The following OCA2 variants were observed in gnomAD, a reference collection of about 807,000 sequenced individuals.
OCA2 encodes OCA2 melanosomal transmembrane protein.
Under a neutral mutation model 100.2 loss-of-function variants are expected in OCA2, and 77 were observed. The ratio of observed to expected loss-of-function variants is 0.77; its 90% CI spans 0.64 to 0.93. OCA2 has a LOEUF of 0.93. OCA2 is among the 40% of genes least tolerant of loss of function. The pLI is 0.00. For synonymous variants in OCA2, 432 were observed against 439.2 expected (o/e 0.98, Z 0.21); for missense variants, 1,062 against 1,089.1 (o/e 0.98, Z 0.35).
chr15:27,913,478 G>T (rs2038478342), intron 19 of OCA2, among the ~76,000 whole-genome samples: 1 of 151,886 alleles, frequency 6.6e-6, no homozygotes, highest in Non-Finnish European at 1.5e-5. Flanking sequence ...TGTCTTGCTT[G>T]CTCTCATTCA....
intron 21 of OCA2, among the ~76,000 whole-genome samples, chr15:27,853,740 G>A (rs2035850305): frequency 1.3e-5 from 2 of 152,092 alleles, no homozygotes; most frequent in Non-Finnish European, 2.9e-5. Context: ...AGAGCCCACA[G>A]GGTGTGAAGG....
In OCA2 at chr15:28,071,931, A is replaced by C. The variant is rs556848865; in HGVS notation, c.227+9717T>G. Reference sequence around the variant, plus strand: ...GACAAGTGGGACCTAATTAAACTCAAGAGCTTCTGCACAGCAAAATGAACT... The same window carrying C: ...GACAAGTGGGACCTAATTAAACTCACGAGCTTCTGCACAGCAAAATGAACT... On this transcript the variant is annotated intron_variant, in intron 2 of 23. Transcript: ENST00000354638. 5.3e-5 allele frequency among the ~76,000 whole-genome samples: 8 copies of C among 152,360 alleles called. No homozygotes were observed. The East Asian group carries it at 1.5e-3, about 29-fold the overall frequency.
chr15:27,957,588 C>A lies in OCA2; in HGVS notation c.1784G>T (p.Arg595Ile). Residue 595 changes from arginine to isoleucine, a missense_variant and splice_region_variant, in exon 16 of 24, where the codon AGA becomes ATA. Coordinates refer to ENST00000354638, the MANE Select transcript of OCA2 (RefSeq NM_000275.3). The surrounding 1 kb of genome is among the most constrained non-coding windows in gnomAD (Gnocchi z 4.3). Reference sequence around the variant, plus strand: ...GTCTGAGCAGGACCCCGCCCGGTACCTGTGGAAGGTGTGCAGCCTCCGGGC... The same window carrying A: ...GTCTGAGCAGGACCCCGCCCGGTACATGTGGAAGGTGTGCAGCCTCCGGGC... The part of the protein sequence containing the change: ...LLARRLHTFH[R>I]QISQEDKNWE... 1 of 1,612,474 alleles carries A rather than the reference C, an allele frequency of 6.2e-7. No individual in the cohort carries two copies. Among genetic ancestry groups the A allele is most frequent in the East Asian group, 2.2e-5 (1 of 44,876 alleles).
At chr15:27,903,875 T>C (rs1420128041) in intron 19 of OCA2, among the ~76,000 whole-genome samples, 1 of 152,246 alleles carries the variant, frequency 6.6e-6, no homozygotes, top group Non-Finnish European at 1.5e-5. Flanking sequence ...TGTGATGGTA[T>C]TGTATAGTAT....
intron 15 of OCA2, among the ~76,000 whole-genome samples, chr15:27,958,517 T>C (rs1456238681): frequency 6.6e-6 from 1 of 152,164 alleles, no homozygotes; most frequent in Admixed American, 6.5e-5. Flanking sequence ...GAGCTGTCTC[T>C]GACACAGGCG....
At chr15:28,001,865 A>T (rs1042881965) in intron 9 of OCA2, among the ~76,000 whole-genome samples, 12 of 152,214 alleles carry the variant, frequency 7.9e-5, no homozygotes, top group African/African-American at 2.9e-4. Context: ...CAGAGGAGCC[A>T]CAGAGGCACC....
In OCA2 at chr15:27,824,578, T is replaced by TTCTCTCTCTCTCTCTCTCTCTCTC. The variant is rs368293640; in HGVS notation, c.2432+20357_2432+20380dup. Among the ~76,000 whole-genome samples the TTCTCTCTCTCTCTCTCTCTCTCTC allele has an allele frequency of 9.1e-3, 488 of 53,464 alleles. 43 individuals are homozygous for TTCTCTCTCTCTCTCTCTCTCTCTC. Among genetic ancestry groups the TTCTCTCTCTCTCTCTCTCTCTCTC allele is most frequent in the Middle Eastern group, 0.016 (1 of 64 alleles). 35.1% of individuals were successfully genotyped at this position (53,464 alleles called of 152,430 possible). A position where few individuals can be genotyped will look rare whatever the true frequency, so the allele number is the denominator to read the frequency against. On this transcript the variant is annotated intron_variant, in intron 23 of 23. Coordinates refer to ENST00000354638, the MANE Select transcript of OCA2 (RefSeq NM_000275.3). ...CTAATTTCTTTTGAATAAATACAAT[T>TTCTCTCTCTCTCTCTCTCTCTCTC]TCTCTCTCTCTCTCTCTCTCTCTCT...
Position 28,014,816 on chromosome 15 carries a change from G to A in OCA2, c.1004C>T (p.Thr335Met), listed in dbSNP as rs533988694. The A allele has an allele frequency of 3.3e-5, 54 of 1,614,004 alleles. No individual in the cohort carries two copies. In the East Asian group the frequency reaches 6.2e-4, roughly 19 times the overall value. The stretch of plus-strand genomic sequence containing the variant: ...CGCGTAGACGCCCGCGAGGATGGCC[G>A]TCGCGATGGTCACCTGGGTTTCTAC... The part of the protein sequence containing the change: ...GSVETQVTIA[T>M]AILAGVYALI... The change falls in exon 9 of 24, where the codon ACG (threonine) becomes ATG (methionine). Residue 335 changes from threonine (T) to methionine (M), a missense_variant. By Grantham distance (81) the Thr-to-Met change is moderately conservative. Transcript: ENST00000354638.
intron 2 of OCA2, among the ~76,000 whole-genome samples, chr15:28,070,471 C>G (rs2044214031): frequency 8.0e-6 from 1 of 124,938 alleles, no homozygotes; most frequent in Admixed American, 7.3e-5. Flanking sequence ...CGGCCAGCCG[C>G]CCAGTCCGGG....
chr15:27,952,166 C>T (rs1208145202), intron 17 of OCA2, among the ~76,000 whole-genome samples: 1 of 152,146 alleles, frequency 6.6e-6, no homozygotes, highest in Non-Finnish European at 1.5e-5. Flanking sequence ...CAGAGGATGA[C>T]GGGGCGTTTC....
At chr15:27,749,347 A>G in the OCA2 span, among the ~76,000 whole-genome samples, 1 of 152,204 alleles carries the variant, frequency 6.6e-6, no homozygotes, top group Non-Finnish European at 1.5e-5. Context: ...ACTGTCAACT[A>G]AGAACTATGT....
chr15:28,024,085 G>T (rs934824889), intron 5 of OCA2, among the ~76,000 whole-genome samples: 5 of 152,186 alleles, frequency 3.3e-5, no homozygotes, highest in African/African-American at 1.2e-4. Context: ...ACCAAGGCTG[G>T]CAGTGGGACC....
At chr15:28,076,853 C>CCAAAA (rs2044445567) in intron 2 of OCA2, among the ~76,000 whole-genome samples, 1 of 60,750 alleles carries the variant, frequency 1.6e-5, no homozygotes, top group African/African-American at 5.3e-5. Context: ...GACTCCGTCT[C>CCAAAA]AAAAAAAAAA....
chr15:27,777,098 G>A (rs1424721839), intron 23 of OCA2, among the ~76,000 whole-genome samples: 1 of 152,018 alleles, frequency 6.6e-6, no homozygotes, highest in African/African-American at 2.4e-5. Flanking sequence ...CACCCTAGAG[G>A]TGCCTGGTGG....
chr15:27,789,075 G>A (rs986156676), intron 23 of OCA2, among the ~76,000 whole-genome samples: 1 of 151,864 alleles, frequency 6.6e-6, no homozygotes, highest in Non-Finnish European at 1.5e-5. Context: ...GCATATTCAT[G>A]TTACTTTATG....
At chr15:27,736,415 TG>T in the OCA2 span, among the ~76,000 whole-genome samples, 1 of 152,168 alleles carries the variant, frequency 6.6e-6, no homozygotes. Context: ...TCAGTTTATT[TG>T]TGGACTCTAA....
At chr15:28,006,674 G>C (rs902339924) in intron 9 of OCA2, among the ~76,000 whole-genome samples, 5 of 152,202 alleles carry the variant, frequency 3.3e-5, no homozygotes, top group Admixed American at 1.3e-4. Context: ...TCTGGAACAA[G>C]GTAATGGAGC....
intron 23 of OCA2, among the ~76,000 whole-genome samples, chr15:27,844,080 C>T (rs12591662): frequency 0.21 from 31,839 of 152,150 alleles, 4,155 homozygotes; most frequent in East Asian, 0.56. Flanking sequence ...TCCATTCTGC[C>T]CCCTCACCTG....
intron 11 of OCA2, among the ~76,000 whole-genome samples, chr15:27,988,766 A>T (rs995467242): frequency 2.0e-5 from 3 of 152,084 alleles, no homozygotes; most frequent in Admixed American, 2.0e-4. Flanking sequence ...AACTCTGTAT[A>T]CGTCTCAGGC....
Sources: gnomAD v4.1 joint callset for allele counts (sites outside exome capture counted in the v4.1 genomes callset) on GRCh38, gnomAD v4.1.1 for gene constraint, Gnocchi (gnomAD v3.1) non-coding constraint, MANE v1.5 for transcripts, NCBI Gene and HGNC (gene_info 2026-07-23, HGNC 2026-07-21) for gene names.